DLC1: variants seen among roughly 807,000 people sequenced by gnomAD.
The protein encoded by DLC1 is DLC1 Rho GTPase activating protein.
Under a neutral mutation model 140.3 loss-of-function variants are expected in DLC1, and 54 were observed. That is an observed-to-expected ratio of 0.38 (90% CI 0.31 to 0.48). DLC1 has a LOEUF of 0.48. Among genes scored for constraint, DLC1 ranks in the 20% least tolerant of loss-of-function variants. The pLI is 0.96. For synonymous variants in DLC1, 986 were observed against 728.1 expected, an observed-to-expected ratio of 1.35 and a Z score of -5.70; for missense variants, 2,536 against 1,907.0, an observed-to-expected ratio of 1.33 and a Z score of -6.14.
intron 4 of DLC1, among the ~76,000 whole-genome samples, chr8:13,334,625 T>C (rs965343116): frequency 2.6e-5 from 4 of 152,072 alleles, no homozygotes; most frequent in Non-Finnish European, 2.9e-5. Flanking sequence ...ATTTTGTAGA[T>C]AAAGTGGGCA....
At chr8:13,497,673 G>C (rs1286131335) in intron 2 of DLC1, among the ~76,000 whole-genome samples, 1 of 152,144 alleles carries the variant, frequency 6.6e-6, no homozygotes, top group Non-Finnish European at 1.5e-5. Flanking sequence ...TTTTAGGGGA[G>C]CTATGCCATA....
chr8:13,551,218 T>G (rs982557894), intron 1 of DLC1, among the ~76,000 whole-genome samples: 1 of 152,040 alleles, frequency 6.6e-6, no homozygotes, highest in Non-Finnish European at 1.5e-5. Context: ...GAAAAGTCAG[T>G]TGTAGTCGGC....
intron 5 of DLC1, among the ~76,000 whole-genome samples, chr8:13,213,430 CAG>C (rs1415590210): frequency 6.6e-6 from 1 of 152,168 alleles, no homozygotes; most frequent in African/African-American, 2.4e-5. Flanking sequence ...CAGGACTCAT[CAG>C]AGTTTCAGAG....
intron 4 of DLC1, among the ~76,000 whole-genome samples, chr8:13,385,523 A>G (rs1289520870): frequency 6.6e-6 from 1 of 152,336 alleles, no homozygotes; most frequent in East Asian, 1.9e-4. Flanking sequence ...TAACCAAAAC[A>G]GTCAAGGATA....
intron 1 of DLC1, among the ~76,000 whole-genome samples, chr8:13,581,930 T>A (rs908101479): frequency 1.3e-4 from 20 of 152,236 alleles, no homozygotes; most frequent in African/African-American, 2.9e-4. Context: ...GGAAAAAAAA[T>A]TTAATGCATT....
intron 4 of DLC1, among the ~76,000 whole-genome samples, chr8:13,390,417 T>C (rs947504093): frequency 2.6e-4 from 40 of 152,182 alleles, no homozygotes; most frequent in Non-Finnish European, 8.8e-5. Flanking sequence ...AAACAGTGCT[T>C]TAAGTGCTTT....
chr8:13,146,139 G>T (rs1478240542), intron 5 of DLC1, among the ~76,000 whole-genome samples: 9 of 152,040 alleles, frequency 5.9e-5, no homozygotes. Flanking sequence ...GCCGGACATA[G>T]TCGTGTGTGC....
At chr8:13,348,611 A>T (rs1834485066) in intron 4 of DLC1, among the ~76,000 whole-genome samples, 1 of 152,194 alleles carries the variant, frequency 6.6e-6, no homozygotes, top group Admixed American at 6.5e-5. Flanking sequence ...GCATGGTTTT[A>T]AATGTAAAGT....
chr8:13,303,748 G>A (rs187581817), intron 5 of DLC1, among the ~76,000 whole-genome samples: 1 of 152,250 alleles, frequency 6.6e-6, no homozygotes, highest in East Asian at 1.9e-4. Flanking sequence ...GTTGCAGTGA[G>A]CCAAGATCAC....
chr8:13,526,184 G>C (rs368152368), intron 1 of DLC1, among the ~76,000 whole-genome samples: 1 of 151,740 alleles, frequency 6.6e-6, no homozygotes, highest in African/African-American at 2.4e-5. Flanking sequence ...TTTTTCTATC[G>C]CATACAATAC....
intron 6 of DLC1, among the ~76,000 whole-genome samples, chr8:13,111,406 A>G (rs1378861742): frequency 6.6e-6 from 1 of 152,176 alleles, no homozygotes; most frequent in Non-Finnish European, 1.5e-5. Context: ...TAACTCCCCT[A>G]AAAAGAAAGG....
At chr8:13,520,316 C>A (rs1802724176) in intron 1 of DLC1, among the ~76,000 whole-genome samples, 1 of 152,172 alleles carries the variant, frequency 6.6e-6, no homozygotes, top group Non-Finnish European at 1.5e-5. Context: ...AGTTCATGCC[C>A]TTTGCAGGGA....
chr8:13,181,100 C>T (rs531600174), intron 5 of DLC1, among the ~76,000 whole-genome samples: 5 of 152,006 alleles, frequency 3.3e-5, no homozygotes, highest in Non-Finnish European at 7.4e-5. Flanking sequence ...CTCCAACTGC[C>T]CTTTCCTCAT....
At chr8:13,422,301 A>C (rs1181858759) in intron 2 of DLC1, among the ~76,000 whole-genome samples, 1 of 152,128 alleles carries the variant, frequency 6.6e-6, no homozygotes, top group Non-Finnish European at 1.5e-5. Context: ...TGGTAGATGA[A>C]ATGGTGTTTA....
At chr8:13,426,003 G>C (rs1029112865) in intron 2 of DLC1, among the ~76,000 whole-genome samples, 2 of 152,148 alleles carry the variant, frequency 1.3e-5, no homozygotes, top group Admixed American at 6.6e-5. Flanking sequence ...TGTAGGGACA[G>C]GGTCTGGGTA....
At chr8:13,497,556 G>C (rs1274855804) in intron 2 of DLC1, among the ~76,000 whole-genome samples, 1 of 152,178 alleles carries the variant, frequency 6.6e-6, no homozygotes, top group Non-Finnish European at 1.5e-5. Flanking sequence ...ATGTCCAAGA[G>C]TAAATTCTTT....
chr8:13,601,082 C>T (rs555190256), intron 1 of DLC1, among the ~76,000 whole-genome samples: 7 of 151,578 alleles, frequency 4.6e-5, no homozygotes, highest in African/African-American at 1.7e-4. Flanking sequence ...CATATAAAGC[C>T]CTCCTAAAGA....
intron 4 of DLC1, among the ~76,000 whole-genome samples, chr8:13,310,464 G>A (rs1280725045): frequency 6.6e-6 from 1 of 152,120 alleles, no homozygotes; most frequent in Non-Finnish European, 1.5e-5. Flanking sequence ...CTTAGAAATT[G>A]CAAGAAAATA....
chr8:13,581,765 A>G (rs1805107219), intron 1 of DLC1, among the ~76,000 whole-genome samples: 1 of 152,192 alleles, frequency 6.6e-6, no homozygotes, highest in Non-Finnish European at 1.5e-5. Context: ...CAACCTCTTT[A>G]TCAGGCCATG....
Sources: gnomAD v4.1 joint callset for allele counts (sites outside exome capture counted in the v4.1 genomes callset) on GRCh38, gnomAD v4.1.1 for gene constraint, MANE v1.5 for transcripts, NCBI Gene and HGNC (gene_info 2026-07-23, HGNC 2026-07-21) for gene names.